ABCA3: variants seen among roughly 807,000 people sequenced by gnomAD.
ABCA3 encodes phospholipid-transporting ATPase ABCA3.
ABCA3 carries 88 observed loss-of-function variants against 172.8 expected under a neutral mutation model. That is an observed-to-expected ratio of 0.51 (90% CI 0.43 to 0.61). ABCA3 has a LOEUF of 0.61. Ranked by LOEUF, ABCA3 falls within the 20% of genes least tolerant of loss-of-function variation. ABCA3 has a pLI of 0.00. For synonymous variants in ABCA3, 1,066 were observed against 983.8 expected, an observed-to-expected ratio of 1.08 and a Z score of -1.56; for missense variants, 2,164 against 2,301.0, an observed-to-expected ratio of 0.94 and a Z score of 1.22.
chr16:2,340,395 GGCGGGC>G (rs1198356167), intron 1 of ABCA3, among the ~76,000 whole-genome samples, 172 bp downstream of exon 1: 3 of 151,544 alleles, frequency 2.0e-5, no homozygotes, highest in Non-Finnish European at 4.4e-5. Flanking sequence ...CGGCAGGAGG[GGCGGGC>G]GCGGGCGCGG....
At chr16:2,302,266 T>A (rs1043414913) in intron 12 of ABCA3, among the ~76,000 whole-genome samples, 2 of 152,154 alleles carry the variant, frequency 1.3e-5, no homozygotes, top group African/African-American at 4.8e-5. Context: ...CTAGTGCCGC[T>A]GGGTTAAGGT....
chr16:2,289,663 G>A (rs755524172), intron 19 of ABCA3, 43 bp from the exon 20 acceptor site: 268 of 1,538,628 alleles, frequency 1.7e-4, no homozygotes, highest in Middle Eastern at 9.8e-4. Context: ...CCAGCTCCCC[G>A]GGTGGGTGGA....
chr16:2,323,394 T>C, intron 7 of ABCA3, 129 bp downstream of exon 7: 2 of 1,267,048 alleles, frequency 1.6e-6, no homozygotes, highest in South Asian at 2.4e-5. Flanking sequence ...AGCAAAGACT[T>C]GGAACCAAGC....
At position 2,312,077 on chromosome 16, in the gene ABCA3, A is replaced by T. The variant is rs969940255; in HGVS notation, c.1112-3454T>A. Among the ~76,000 whole-genome samples the T allele has an allele frequency of 6.6e-5, 10 of 152,212 alleles. No individual in the cohort carries two copies. The South Asian group carries it at 1.0e-3, about 16-fold the overall frequency. ...CTGGCATATTTTATCATACAATATT[A>T]AAAAAATTACATTTGTTAATGTTAT... On this transcript the variant is annotated intron_variant, in intron 10 of 32. Coordinates refer to ENST00000301732, the MANE Select transcript of ABCA3 (RefSeq NM_001089.3).
Position 2,277,317 on chromosome 16 carries a change from A to G in ABCA3, c.4983+280T>C, listed in dbSNP as rs2093648086. Among the ~76,000 whole-genome samples, 1 of 152,116 alleles carries G rather than the reference A, an allele frequency of 6.6e-6. No individual in the cohort carries two copies. The highest frequency in any genetic ancestry group is 6.5e-5 in the Admixed American group (1 of 15,270). On this transcript the variant is annotated intron_variant, in intron 32 of 32. Transcript: ENST00000301732. The surrounding 1 kb of genome is among the most constrained non-coding windows in gnomAD (Gnocchi z 5.3). ...TTGCCCAGGCTGGTCTAGAACTCCC[A>G]GGCTTAAGCAATCCTCCCTCCTCGG...
intron 10 of ABCA3, among the ~76,000 whole-genome samples, chr16:2,312,507 T>C (rs921006010): frequency 2.6e-5 from 4 of 151,858 alleles, no homozygotes; most frequent in Non-Finnish European, 5.9e-5. Flanking sequence ...GTCAAGGACA[T>C]TCATGAGTGA....
intron 20 of ABCA3, 164 bp downstream of exon 20, chr16:2,289,270 G>A: frequency 1.3e-6 from 1 of 786,584 alleles, no homozygotes; most frequent in Non-Finnish European, 2.0e-6. Flanking sequence ...GCTTCTCCCT[G>A]CCGACCCATG....
At chr16:2,317,490 G>A (rs978851139) in intron 9 of ABCA3, 87 bp from the exon 10 acceptor site, 42 of 1,550,214 alleles carry the variant, frequency 2.7e-5, no homozygotes, top group Middle Eastern at 3.4e-4. Context: ...ACAGGGACGC[G>A]GCTCCACCGA....
Position 2,278,389 on chromosome 16 carries a change from G to A in ABCA3, c.4617C>T (p.Asp1539=), listed in dbSNP as rs369494610. The change falls in exon 30 of 33, where the codon GAC becomes GAT. Residue 1539 remains aspartate, a synonymous_variant. Coordinates refer to ENST00000301732, the MANE Select transcript of ABCA3 (RefSeq NM_001089.3). The surrounding 1 kb of genome is among the most constrained non-coding windows in gnomAD (Gnocchi z 4.4). ...LIGEPAVIFL[D]EPSTGMDPVA... ...CGGGGTCCATGCCAGTGGACGGCTC[G>A]TCCAGGAAGATGACAGCAGGCTCTC... 3.8e-5 allele frequency: 62 copies of A among 1,612,612 alleles called. No homozygotes were observed. Among genetic ancestry groups the A allele is most frequent in the African/African-American group, 3.1e-4 (23 of 74,922 alleles).
At position 2,295,709 on chromosome 16, in the gene ABCA3, C is replaced by A. The variant is rs756680762; in HGVS notation, c.2295G>T (p.Glu765Asp). The change falls in exon 18 of 33, where the codon GAG becomes GAT. Residue 765 changes from glutamate to aspartate, a missense_variant. Transcript: ENST00000301732. ...AGATGTCTTCCGGGTTGCAGTGCGG[C>A]TCCTTCACCAGCGTCATGTGATAGC... ...GAGYHMTLVK[E>D]PHCNPEDISQ... is the part of the protein sequence containing the mutation. 1 of 1,613,878 alleles carries A rather than the reference C, an allele frequency of 6.2e-7. No homozygotes were observed. Among genetic ancestry groups the A allele is most frequent in the Non-Finnish European group, 8.5e-7 (1 of 1,180,046 alleles).
rs370334649 is a variant in ABCA3 at position 2,324,541 on chromosome 16, G to C, written c.320-10C>G. 1.2e-6 allele frequency: 2 copies of C among 1,608,080 alleles called. No individual in the cohort carries two copies. Among genetic ancestry groups the C allele is most frequent in the Admixed American group, 3.3e-5 (2 of 59,990 alleles). On this transcript the variant is annotated splice_polypyrimidine_tract_variant and intron_variant, in intron 5 of 32. Coordinates refer to ENST00000301732, the MANE Select transcript of ABCA3 (RefSeq NM_001089.3). ...GAGGGAAAGCCGCGCACTGCAAAGAGAGAGCACGGGAGCTGTGGTTGCCCA... is the reference window on the plus strand; with the variant it reads ...GAGGGAAAGCCGCGCACTGCAAAGACAGAGCACGGGAGCTGTGGTTGCCCA...
In ABCA3 at chr16:2,279,049, C is replaced by A; in HGVS notation, c.4441G>T (p.Ala1481Ser). The A allele has an allele frequency of 6.2e-7, 1 of 1,613,340 alleles. No individual in the cohort carries two copies. Among genetic ancestry groups the A allele is most frequent in the South Asian group, 1.1e-5 (1 of 91,080 alleles). ...MTGREMLVMY[A>S]RLRGIPERHI... ...CGCTCAGGGATGCCCCGGAGCCGAG[C>A]GTACATGACCAGCATCTCCCGGCCT... The change falls in exon 29 of 33, where the codon GCT (alanine) becomes TCT (serine). Residue 1481 changes from alanine to serine, a missense_variant. Ala to Ser is a moderately conservative substitution (Grantham distance 99). Coordinates refer to ENST00000301732, the MANE Select transcript of ABCA3 (RefSeq NM_001089.3). The surrounding 1 kb of genome is among the most constrained non-coding windows in gnomAD (Gnocchi z 4.4).
At chr16:2,317,548 T>TC in intron 9 of ABCA3, 100 bp downstream of exon 9, 1 of 1,576,786 alleles carries the variant, frequency 6.3e-7, no homozygotes, top group Non-Finnish European at 8.7e-7. Context: ...GGACAGACTC[T>TC]CTCTGAAGTC....
At chr16:2,317,503 G>T in intron 9 of ABCA3, 100 bp from the exon 10 acceptor site, 1 of 1,595,634 alleles carries the variant, frequency 6.3e-7, no homozygotes, top group Non-Finnish European at 8.6e-7. Context: ...TCCACCGAGA[G>T]GAGTGGGACA....
At chr16:2,304,461 G>A (rs1404702468) in intron 11 of ABCA3, among the ~76,000 whole-genome samples, 1 of 151,114 alleles carries the variant, frequency 6.6e-6, no homozygotes, top group Non-Finnish European at 1.5e-5. Context: ...CTATGATTTC[G>A]GTAAGGCCAA....
chr16:2,290,374 A>T (rs2141700340), intron 19 of ABCA3, among the ~76,000 whole-genome samples: 1 of 152,244 alleles, frequency 6.6e-6, no homozygotes, highest in East Asian at 1.9e-4. Flanking sequence ...AAACCAGGAA[A>T]AGCTTCTGAT....
intron 1 of ABCA3, among the ~76,000 whole-genome samples, chr16:2,336,166 G>A (rs543885105): frequency 2.3e-4 from 35 of 152,274 alleles, no homozygotes; most frequent in African/African-American, 7.7e-4. Flanking sequence ...CCACAATTAC[G>A]TGACTGCGTT....
intron 7 of ABCA3, among the ~76,000 whole-genome samples, chr16:2,322,537 C>A (rs567525253): frequency 1.6e-4 from 21 of 129,380 alleles, no homozygotes; most frequent in South Asian, 6.5e-4. Context: ...CCCGCCCCCC[C>A]ACCCCACAAC....
chr16:2,314,873 T>TTTTA (rs1491281589), intron 10 of ABCA3, among the ~76,000 whole-genome samples: 1 of 121,358 alleles, frequency 8.2e-6, no homozygotes, highest in African/African-American at 3.4e-5. Context: ...GTGCCTGGTC[T>TTTTA]TTTTTTTTTT....
Sources: allele counts gnomAD v4.1 joint callset (sites outside exome capture counted in the v4.1 genomes callset), GRCh38; gene constraint gnomAD v4.1.1; non-coding constraint Gnocchi (gnomAD v3.1); transcripts MANE v1.5; gene names NCBI Gene and HGNC (gene_info 2026-07-23, HGNC 2026-07-21).